Variants in DAPK1 observed in about 807,000 individuals in gnomAD.
DAPK1 encodes death-associated protein kinase 1.
Under a neutral mutation model 144.9 loss-of-function variants are expected in DAPK1, and 56 were observed. The observed-to-expected ratio is 0.39, with a 90% CI of 0.31 to 0.48. The LOEUF (loss-of-function observed/expected upper bound fraction) is 0.48, where lower values mean the gene tolerates loss of function less well. Ranked by LOEUF, DAPK1 falls within the 20% of genes least tolerant of loss-of-function variation. The pLI is 0.95. For missense variants in DAPK1, 1,454 were observed against 1,875.4 expected (o/e 0.78, Z 4.15); for synonymous variants, 690 against 749.0 (o/e 0.92, Z 1.29).
intron 2 of DAPK1, among the ~76,000 whole-genome samples, chr9:87,535,446 T>A (rs1825827190): frequency 6.6e-6 from 1 of 152,216 alleles, no homozygotes; most frequent in Admixed American, 6.5e-5. Flanking sequence ...TGAGTGTGAT[T>A]AAAAAACAGC....
At chr9:87,628,350 A>T (rs1275396434) in intron 3 of DAPK1, among the ~76,000 whole-genome samples, 1 of 152,214 alleles carries the variant, frequency 6.6e-6, no homozygotes, top group East Asian at 1.9e-4. Flanking sequence ...CGTTGATATG[A>T]TTCATTTAAT....
intron 18 of DAPK1, among the ~76,000 whole-genome samples, chr9:87,663,543 C>G (rs1289875424): frequency 1.3e-5 from 2 of 152,128 alleles, no homozygotes; most frequent in African/African-American, 4.8e-5. Flanking sequence ...GGACTGGGCA[C>G]CCTTGGCACG....
intron 18 of DAPK1, among the ~76,000 whole-genome samples, chr9:87,660,350 CA>C (rs990748182): frequency 3.3e-5 from 5 of 152,056 alleles, no homozygotes; most frequent in African/African-American, 1.2e-4. Context: ...GAAACGTGAC[CA>C]CACCACATCC....
In DAPK1 at chr9:87,661,184, T is replaced by C. The variant is rs186882816; in HGVS notation, c.1923+3057T>C. 2.1e-3 allele frequency among the ~76,000 whole-genome samples: 318 copies of C among 152,334 alleles called. 4 individuals are homozygous for C. The highest frequency in any genetic ancestry group is 9.3e-4 in the Non-Finnish European group (63 of 68,028). Reference sequence around the variant, plus strand: ...CAAGTAGTATTCCATTGTGTATATATACCACAATTTTTAAGTCCAGTCCTC... The same window carrying C: ...CAAGTAGTATTCCATTGTGTATATACACCACAATTTTTAAGTCCAGTCCTC... On this transcript the variant is annotated intron_variant, in intron 18 of 25. Transcript: ENST00000408954.
At chr9:87,538,710 A>G (rs1825940170) in intron 2 of DAPK1, among the ~76,000 whole-genome samples, 1 of 152,202 alleles carries the variant, frequency 6.6e-6, no homozygotes, top group South Asian at 2.1e-4. Flanking sequence ...TGAAAAAGAA[A>G]ATTGTAACAG....
intron 3 of DAPK1, among the ~76,000 whole-genome samples, chr9:87,621,387 C>T (rs542112885): frequency 2.0e-5 from 3 of 152,320 alleles, no homozygotes; most frequent in South Asian, 4.1e-4. Flanking sequence ...TGGGGGATGC[C>T]GTGCCCAGAG....
chr9:87,598,919 C>T (rs924970263), intron 2 of DAPK1, among the ~76,000 whole-genome samples: 14 of 152,180 alleles, frequency 9.2e-5, no homozygotes, highest in African/African-American at 3.1e-4. Context: ...ACTTTTATTG[C>T]ATGGCATCTC....
At chr9:87,614,243 G>A (rs1829021516) in intron 3 of DAPK1, among the ~76,000 whole-genome samples, 1 of 152,160 alleles carries the variant, frequency 6.6e-6, no homozygotes, top group African/African-American at 2.4e-5. Flanking sequence ...TGAGACAATA[G>A]GAGTCTTACA....
At chr9:87,537,390 A>G (rs1825895869) in intron 2 of DAPK1, among the ~76,000 whole-genome samples, 1 of 151,962 alleles carries the variant, frequency 6.6e-6, no homozygotes, top group Non-Finnish European at 1.5e-5. Context: ...GGCTGGGTGT[A>G]TGGGGAGATG....
rs36215715 is a variant in DAPK1 at position 87,664,090 on chromosome 9, G to A, written c.1924-4507G>A. On this transcript the variant is annotated intron_variant, in intron 18 of 25. Coordinates refer to ENST00000408954, the MANE Select transcript of DAPK1 (RefSeq NM_004938.4). ...TGGGACCAGTCCATCCCAGCCCCAC[G>A]TTTATCTTTCTAGAAATGCCAGCCA... 7.0e-3 allele frequency among the ~76,000 whole-genome samples: 1,057 copies of A among 152,014 alleles called. 14 individuals are homozygous for A. The highest frequency in any genetic ancestry group is 0.024 in the African/African-American group (1,002 of 41,468).
At chr9:87,587,459 G>C (rs1415396911) in intron 2 of DAPK1, among the ~76,000 whole-genome samples, 1 of 152,180 alleles carries the variant, frequency 6.6e-6, no homozygotes, top group Non-Finnish European at 1.5e-5. Context: ...GCTCGAATTA[G>C]AAACAGCCTC....
At position 87,686,947 on chromosome 9, in the gene DAPK1, C is replaced by T; in HGVS notation, c.2413+208C>T. 2 of 678,180 alleles carry T rather than the reference C, an allele frequency of 2.9e-6. No individual in the cohort carries two copies. The highest frequency in any genetic ancestry group is 3.6e-6 in the Non-Finnish European group (2 of 549,284). The allele number at this position is 678,180 out of a possible 1,614,324, so 42.0% of individuals were successfully genotyped here. A position where few individuals can be genotyped will look rare whatever the true frequency, so the allele number is the denominator to read the frequency against. On this transcript the variant is annotated intron_variant, in intron 21 of 25. Coordinates refer to ENST00000408954, the MANE Select transcript of DAPK1 (RefSeq NM_004938.4). This position sits in a 1 kb window ranked among gnomAD's most constrained non-coding sequence, Gnocchi z 4.2. ...TTAAACACTGGGGTATTGTCAGCGC[C>T]TAGTAAAGCACTTGGCATACAGTAA...
At chr9:87,541,130 AC>A (rs1417014887) in intron 2 of DAPK1, among the ~76,000 whole-genome samples, 2 of 152,238 alleles carry the variant, frequency 1.3e-5, no homozygotes, top group African/African-American at 4.8e-5. Context: ...ATTCAATAGA[AC>A]ATCTTTTTAG....
At chr9:87,599,960 T>G (rs918828848) in intron 2 of DAPK1, among the ~76,000 whole-genome samples, 3 of 152,338 alleles carry the variant, frequency 2.0e-5, no homozygotes, top group South Asian at 4.1e-4. Flanking sequence ...ACATTACGCA[T>G]GCCTGAATGA....
intron 18 of DAPK1, 151 bp downstream of exon 18, chr9:87,658,278 C>T (rs574906167): frequency 1.2e-5 from 7 of 596,564 alleles, no homozygotes; most frequent in Non-Finnish European, 2.1e-5. Flanking sequence ...GTAACATAGA[C>T]ATTCGCCTAC....
chr9:87,638,371 G>A (rs914580596), intron 4 of DAPK1, among the ~76,000 whole-genome samples: 2 of 152,238 alleles, frequency 1.3e-5, no homozygotes, highest in Non-Finnish European at 2.9e-5. Context: ...GGCTGCTCTA[G>A]CCAGCAGCTA....
chr9:87,623,354 A>G (rs1829374330), intron 3 of DAPK1, among the ~76,000 whole-genome samples: 1 of 152,206 alleles, frequency 6.6e-6, no homozygotes. Flanking sequence ...AGCTTCACAG[A>G]TTAGTCTTTC....
chr9:87,512,636 G>A (rs980043904), intron 2 of DAPK1, among the ~76,000 whole-genome samples: 1 of 152,140 alleles, frequency 6.6e-6, no homozygotes, highest in Non-Finnish European at 1.5e-5. Context: ...CATGGCTGCT[G>A]TGTGAGAGGC....
At chr9:87,497,348 G>A (rs1264252756), upstream of DAPK1, 1 of 152,086 alleles carries the variant, frequency 6.6e-6, no homozygotes, top group Non-Finnish European at 1.5e-5. Flanking sequence ...CCTGTTTCGT[G>A]GTAAACGTAG....
Sources: gnomAD v4.1 joint callset for allele counts (sites outside exome capture counted in the v4.1 genomes callset) on GRCh38, gnomAD v4.1.1 for gene constraint, Gnocchi (gnomAD v3.1) non-coding constraint, MANE v1.5 for transcripts, NCBI Gene and HGNC (gene_info 2026-07-23, HGNC 2026-07-21) for gene names.